MCMDC2: variants seen among roughly 807,000 people sequenced by gnomAD.
MCMDC2 encodes minichromosome maintenance domain containing 2, also known as minichromosome maintenance domain-containing protein 2.
Under a neutral mutation model 75.8 loss-of-function variants are expected in MCMDC2, and 54 were observed. That is an observed-to-expected ratio of 0.71 (90% CI 0.57 to 0.89). The LOEUF is 0.89. Ranked by LOEUF, MCMDC2 falls within the 40% of genes least tolerant of loss-of-function variation. The pLI is 0.00. For synonymous variants in MCMDC2, 249 were observed against 274.6 expected (o/e 0.91, Z 0.92); for missense variants, 656 against 780.4 (o/e 0.84, Z 1.90).
At chr8:66,874,799 G>T (rs554879778) in intron 4 of MCMDC2, among the ~76,000 whole-genome samples, 3 of 150,232 alleles carry the variant, frequency 2.0e-5, no homozygotes, top group African/African-American at 7.4e-5. Context: ...TCGCTCTGTC[G>T]CCAGGCTGGA....
At chr8:66,915,448 T>A (rs1813274678) in intron 14 of MCMDC2, among the ~76,000 whole-genome samples, 1 of 145,750 alleles carries the variant, frequency 6.9e-6, no homozygotes, top group African/African-American at 2.5e-5. Flanking sequence ...CCAGACTCCG[T>A]CTCAAAAAAA....
At chr8:66,903,459 C>T (rs1232359632) in intron 13 of MCMDC2, among the ~76,000 whole-genome samples, 1 of 152,110 alleles carries the variant, frequency 6.6e-6, no homozygotes, top group Non-Finnish European at 1.5e-5. Context: ...TTTGAGATTA[C>T]ACTTTAATAC....
chr8:66,907,480 G>A (rs1018639925), intron 14 of MCMDC2, among the ~76,000 whole-genome samples: 3 of 152,072 alleles, frequency 2.0e-5, no homozygotes, highest in Non-Finnish European at 4.4e-5. Context: ...TCATTGATGG[G>A]CATTTGGGTT....
chr8:66,875,329 G>T (rs1811227295), intron 4 of MCMDC2, among the ~76,000 whole-genome samples: 1 of 151,964 alleles, frequency 6.6e-6, no homozygotes, highest in Admixed American at 6.6e-5. Context: ...GCCCAGGCTG[G>T]AGTGCAATGG....
At chr8:66,901,440 C>T in intron 13 of MCMDC2, 92 bp downstream of exon 13, 3 of 1,504,770 alleles carry the variant, frequency 2.0e-6, no homozygotes, top group South Asian at 2.9e-5. Context: ...ACTTGTTTCT[C>T]TGCTTGATTG....
chr8:66,876,995 C>T (rs750722325), intron 4 of MCMDC2, among the ~76,000 whole-genome samples: 9 of 152,042 alleles, frequency 5.9e-5, no homozygotes, highest in Non-Finnish European at 8.8e-5. Context: ...CTCCTGACCT[C>T]GTGATCTGCC....
intron 1 of MCMDC2, among the ~76,000 whole-genome samples, chr8:66,872,436 A>G (rs16933083): frequency 1.1e-3 from 175 of 152,344 alleles, no homozygotes; most frequent in African/African-American, 3.9e-3. Context: ...ACCCATATAC[A>G]AGGATGACCC....
chr8:66,926,317 CT>C (rs1813711652), downstream of MCMDC2: 1 of 152,198 alleles, frequency 6.6e-6, no homozygotes, highest in African/African-American at 2.4e-5. Flanking sequence ...AGCAGAAAGG[CT>C]TATGATCTTG....
intron 10 of MCMDC2, among the ~76,000 whole-genome samples, chr8:66,894,895 C>A (rs1812273993): frequency 6.6e-6 from 1 of 152,148 alleles, no homozygotes; most frequent in African/African-American, 2.4e-5. Flanking sequence ...TAGCAGTCAA[C>A]CCCCAGTCCC....
At chr8:66,916,932 G>A (rs193120943) in intron 14 of MCMDC2, among the ~76,000 whole-genome samples, 59 of 152,306 alleles carry the variant, frequency 3.9e-4, no homozygotes, top group African/African-American at 1.4e-3. Flanking sequence ...ATCACTGAAT[G>A]TCAGGTATTA....
chr8:66,896,698 T>C (rs1476810445), intron 11 of MCMDC2, 82 bp from the exon 12 acceptor site: 2 of 1,005,484 alleles, frequency 2.0e-6, no homozygotes, highest in Non-Finnish European at 2.8e-6. Flanking sequence ...CAACATATAA[T>C]AATTACTTTG....
In MCMDC2 at chr8:66,919,182, A is replaced by AT. The variant is rs1480594913; in HGVS notation, c.*18dup. 4 of 1,531,814 alleles carry AT rather than the reference A, an allele frequency of 2.6e-6. No individual in the cohort carries two copies. Among genetic ancestry groups the AT allele is most frequent in the African/African-American group, 2.8e-5 (2 of 72,132 alleles). The allele number at this position is 1,531,814 out of a possible 1,614,324, so 94.9% of individuals were successfully genotyped here. On this transcript the variant is annotated 3_prime_UTR_variant, in exon 15 of 15. Coordinates refer to ENST00000422365, the MANE Select transcript of MCMDC2 (RefSeq NM_173518.5). ...TAGTGATGAATAAGCAATTTGAGGAATTTTTGTTCATTCCTACTTAAGCAG... is the reference window on the plus strand; with the variant it reads ...TAGTGATGAATAAGCAATTTGAGGAATTTTTTGTTCATTCCTACTTAAGCAG...
chr8:66,873,332 G>T (rs1811114468), intron 1 of MCMDC2, among the ~76,000 whole-genome samples: 1 of 152,170 alleles, frequency 6.6e-6, no homozygotes. Context: ...TTTCCCCATA[G>T]CAACCAGGAA....
rs889786353 is a variant in MCMDC2, at chr8:66,919,937, A to C, written c.*768A>C. 1.3e-5 allele frequency: 2 copies of C among 152,362 alleles called. No homozygotes were observed. The highest frequency in any genetic ancestry group is 3.4e-3 in the Middle Eastern group (1 of 294). The allele number at this position is 152,362 out of a possible 1,614,324, so 9.4% of individuals were successfully genotyped here. A position where few individuals can be genotyped will look rare whatever the true frequency, so the allele number is the denominator to read the frequency against. ...TCTGCTCTGAAAAGATAGGGGCACC[A>C]TGAGAAAACAAATCCATCTTGTAAA... On this transcript the variant is annotated 3_prime_UTR_variant, in exon 15 of 15. Coordinates refer to ENST00000422365, the MANE Select transcript of MCMDC2 (RefSeq NM_173518.5).
downstream of MCMDC2, among the ~76,000 whole-genome samples, chr8:66,925,240 A>C (rs1329415594): frequency 2.0e-5 from 3 of 152,228 alleles, no homozygotes; most frequent in East Asian, 3.9e-4. Context: ...GTGGTTACTC[A>C]CAAAACGCGA....
Position 66,921,444 on chromosome 8 carries a change from T to C in MCMDC2, c.*2275T>C, listed in dbSNP as rs1316371775. On this transcript the variant is annotated 3_prime_UTR_variant, in exon 15 of 15. Transcript: ENST00000422365. ...TTTTATACCATTTATCATATAAAAA[T>C]TATAACCTTGGTAAAAGGAATTTAT... The C allele has an allele frequency of 1.3e-5, 2 of 152,204 alleles. No individual in the cohort carries two copies. The highest frequency in any genetic ancestry group is 4.8e-5 in the African/African-American group (2 of 41,442). 9.4% of individuals were successfully genotyped at this position (152,204 alleles called of 1,614,324 possible).
chr8:66,881,643 A>T (rs1811567909), intron 8 of MCMDC2, among the ~76,000 whole-genome samples: 1 of 152,188 alleles, frequency 6.6e-6, no homozygotes, highest in Admixed American at 6.5e-5. Context: ...GCAATATTGT[A>T]CCACTGTATT....
In MCMDC2 at chr8:66,878,709, T is replaced by C. The variant is rs773099301; in HGVS notation, c.604+13T>C. 17 of 1,541,038 alleles carry C rather than the reference T, an allele frequency of 1.1e-5. No homozygotes were observed. Among genetic ancestry groups the C allele is most frequent in the Non-Finnish European group, 1.2e-5 (14 of 1,142,504 alleles). ...AGAGTACTTGGTGGTAATATGCATT[T>C]ATATTTTGTAATTATAATTTTTAAA... On this transcript the variant is annotated intron_variant, in intron 6 of 14. Coordinates refer to ENST00000422365, the MANE Select transcript of MCMDC2 (RefSeq NM_173518.5).
chr8:66,874,459 A>G lies in MCMDC2; in HGVS notation c.225+3A>G, dbSNP rs769044911. 8.1e-6 allele frequency: 13 copies of G among 1,611,594 alleles called. No homozygotes were observed. Among genetic ancestry groups the G allele is most frequent in the Admixed American group, 5.0e-5 (3 of 59,470 alleles). On this transcript the variant is annotated splice_donor_region_variant and intron_variant, in intron 3 of 14. Transcript: ENST00000422365. ...AAGCTGCTGAAGTCTTTCAATCAGT[A>G]AGTCAAAAAAAGAAATAATTTTATG...
Sources: allele counts gnomAD v4.1 joint callset (sites outside exome capture counted in the v4.1 genomes callset), GRCh38; gene constraint gnomAD v4.1.1; transcripts MANE v1.5; gene names NCBI Gene and HGNC (gene_info 2026-07-23, HGNC 2026-07-21).